Variants in SPMIP4 observed in about 807,000 individuals in gnomAD.
SPMIP4 encodes sperm microtubule inner protein 4, also known as sperm-associated microtubule inner protein 4.
chr7:25,171,643 A>G, the SPMIP4 span, among the ~76,000 whole-genome samples: 1 of 152,220 alleles, frequency 6.6e-6, no homozygotes, highest in Admixed American at 6.5e-5. Context: ...TAAGTGCTAC[A>G]TAGAGGGTAA....
the SPMIP4 span, among the ~76,000 whole-genome samples, chr7:25,166,994 A>G: frequency 5.3e-5 from 8 of 152,262 alleles, no homozygotes; most frequent in African/African-American, 1.9e-4. Flanking sequence ...TCATGCACAA[A>G]TATCATTTTG....
the SPMIP4 span, among the ~76,000 whole-genome samples, chr7:25,147,004 C>G: frequency 6.6e-6 from 1 of 152,116 alleles, no homozygotes; most frequent in Non-Finnish European, 1.5e-5. Flanking sequence ...AGTATTAAAA[C>G]CTATGTATGG....
At chr7:25,174,248 G>A in the SPMIP4 span, among the ~76,000 whole-genome samples, 1 of 146,758 alleles carries the variant, frequency 6.8e-6, no homozygotes, top group East Asian at 2.0e-4. The surrounding 1 kb of genome is among the most constrained non-coding windows in gnomAD (Gnocchi z 4.5). Context: ...CTCTCTCACT[G>A]TCTCTCTCAC....
chr7:25,146,226 TG>T, the SPMIP4 span, among the ~76,000 whole-genome samples: 2 of 152,032 alleles, frequency 1.3e-5, no homozygotes, highest in African/African-American at 4.8e-5. Context: ...AGTCAGGGCT[TG>T]GGAAAGAGAG....
At chr7:25,147,523 G>T in the SPMIP4 span, among the ~76,000 whole-genome samples, 3 of 152,172 alleles carry the variant, frequency 2.0e-5, no homozygotes, top group South Asian at 6.2e-4. Context: ...GGTCTGGGTG[G>T]GAAAGGGGCG....
At chr7:25,172,874 G>C in the SPMIP4 span, among the ~76,000 whole-genome samples, 1 of 152,006 alleles carries the variant, frequency 6.6e-6, no homozygotes, top group Non-Finnish European at 1.5e-5. This position sits in a 1 kb window ranked among gnomAD's most constrained non-coding sequence, Gnocchi z 4.2. Flanking sequence ...GAGAGGTGGA[G>C]CATGAGAGGA....
the SPMIP4 span, among the ~76,000 whole-genome samples, chr7:25,143,313 A>G: frequency 2.0e-5 from 3 of 152,256 alleles, no homozygotes; most frequent in Non-Finnish European, 2.9e-5. Context: ...TATTTTCAAA[A>G]GAGCTATGCA....
chr7:25,127,686 C>T, the SPMIP4 span, among the ~76,000 whole-genome samples: 3 of 152,102 alleles, frequency 2.0e-5, no homozygotes, highest in African/African-American at 4.8e-5. Flanking sequence ...GAATTGGTCA[C>T]TTGTGCCTTC....
the SPMIP4 span, among the ~76,000 whole-genome samples, chr7:25,131,531 G>A: frequency 6.6e-6 from 1 of 152,178 alleles, no homozygotes; most frequent in African/African-American, 2.4e-5. The surrounding 1 kb of genome is among the most constrained non-coding windows in gnomAD (Gnocchi z 4.2). Context: ...TGCCAGACTG[G>A]TCATATTTAG....
At chr7:25,155,696 C>T in the SPMIP4 span, among the ~76,000 whole-genome samples, 1 of 152,104 alleles carries the variant, frequency 6.6e-6, no homozygotes, top group Admixed American at 6.5e-5. Context: ...AAAATATAAC[C>T]CCTGTTTATA....
chr7:25,166,383 C>T, the SPMIP4 span, among the ~76,000 whole-genome samples: 11 of 151,496 alleles, frequency 7.3e-5, no homozygotes, highest in Admixed American at 2.6e-4. Flanking sequence ...GTCAGGAGAT[C>T]GAGACCATCC....
At chr7:25,134,787 C>T in the SPMIP4 span, 4 of 985,206 alleles carry the variant, frequency 4.1e-6, no homozygotes, top group Non-Finnish European at 4.8e-6. Context: ...ACTATATCTC[C>T]CTCACTTCAG....
chr7:25,167,161 G>C, the SPMIP4 span, among the ~76,000 whole-genome samples: 11 of 152,200 alleles, frequency 7.2e-5, no homozygotes, highest in Admixed American at 1.3e-4. Context: ...TATCTCCCCA[G>C]TCTCTAGAAC....
At chr7:25,126,180 A>G in the SPMIP4 span, among the ~76,000 whole-genome samples, 1 of 152,134 alleles carries the variant, frequency 6.6e-6, no homozygotes, top group East Asian at 1.9e-4. Context: ...TGTTACAAGC[A>G]ATCCAATTAT....
the SPMIP4 span, chr7:25,155,075 G>T: frequency 6.2e-7 from 1 of 1,614,094 alleles, no homozygotes; most frequent in East Asian, 2.2e-5. Context: ...AGGGCTGCTG[G>T]GTGCGGGCTT....
the SPMIP4 span, among the ~76,000 whole-genome samples, chr7:25,163,948 T>C: frequency 6.6e-6 from 1 of 152,234 alleles, no homozygotes; most frequent in Non-Finnish European, 1.5e-5. This position sits in a 1 kb window ranked among gnomAD's most constrained non-coding sequence, Gnocchi z 4.4. Flanking sequence ...GCAAAAGACA[T>C]TGGGCAACAG....
At chr7:25,150,336 G>T in the SPMIP4 span, among the ~76,000 whole-genome samples, 3 of 152,196 alleles carry the variant, frequency 2.0e-5, no homozygotes, top group African/African-American at 7.2e-5. Flanking sequence ...TTTAGATATA[G>T]ATTTTGCTTA....
chr7:25,131,771 C>A, the SPMIP4 span, among the ~76,000 whole-genome samples: 2 of 152,126 alleles, frequency 1.3e-5, no homozygotes, highest in East Asian at 3.9e-4. The surrounding 1 kb of genome is among the most constrained non-coding windows in gnomAD (Gnocchi z 4.2). Context: ...CGGAAGAGAA[C>A]CATGGAACCC....
chr7:25,151,543 G>A, the SPMIP4 span: 1 of 1,143,168 alleles, frequency 8.7e-7, no homozygotes, highest in African/African-American at 1.5e-5. Context: ...TAAAGGTATT[G>A]ACTAAAAATA....
Sources: allele counts gnomAD v4.1 joint callset (sites outside exome capture counted in the v4.1 genomes callset), GRCh38; gene constraint gnomAD v4.1.1; non-coding constraint Gnocchi (gnomAD v3.1); transcripts MANE v1.5; gene names NCBI Gene and HGNC (gene_info 2026-07-23, HGNC 2026-07-21).